Variants in AGBL4 observed in about 807,000 individuals in gnomAD.
The protein encoded by AGBL4 is cytosolic carboxypeptidase 6.
In AGBL4, 58 loss-of-function variants were observed where a neutral mutation model predicts 66.4. The observed-to-expected ratio is 0.87, with a 90% CI of 0.71 to 1.09. AGBL4 has a LOEUF of 1.09. AGBL4 is among the 50% of genes least tolerant of loss of function. The pLI is 0.00. For missense variants in AGBL4, 579 were observed against 631.0 expected, an observed-to-expected ratio of 0.92 and a Z score of 0.88; for synonymous variants, 234 against 222.9, an observed-to-expected ratio of 1.05 and a Z score of -0.44.
intron 1 of AGBL4, among the ~76,000 whole-genome samples, chr1:49,940,643 T>C (rs994607395): frequency 3.9e-5 from 6 of 151,936 alleles, no homozygotes; most frequent in African/African-American, 9.7e-5. Context: ...TAGGTGGGAA[T>C]TGAACAATGA....
intron 3 of AGBL4, among the ~76,000 whole-genome samples, chr1:49,303,959 T>C (rs939091432): frequency 6.6e-6 from 1 of 152,236 alleles, no homozygotes; most frequent in African/African-American, 2.4e-5. Flanking sequence ...TAGTTTCTTT[T>C]GCTGTGCAGA....
At chr1:49,521,552 G>C (rs1316937163) in intron 3 of AGBL4, among the ~76,000 whole-genome samples, 1 of 151,890 alleles carries the variant, frequency 6.6e-6, no homozygotes, top group Non-Finnish European at 1.5e-5. Context: ...AATGGGGAAA[G>C]GACTCCTTAT....
chr1:49,519,910 C>T (rs1043320534), intron 3 of AGBL4, among the ~76,000 whole-genome samples: 1 of 152,000 alleles, frequency 6.6e-6, no homozygotes, highest in Admixed American at 6.6e-5. Context: ...TTTGTTCTTG[C>T]TGATTTTTTA....
rs185947935 is a variant in AGBL4, at chr1:49,218,918, C to T, written c.377+26852G>A. On this transcript the variant is annotated intron_variant, in intron 4 of 13. Coordinates refer to ENST00000371839, the MANE Select transcript of AGBL4 (RefSeq NM_032785.4). ...CCTGCACAAGCTCTCTCTTGCCTGC[C>T]ACCATGTAAGCTGTGCCTTTCACCT... Among the ~76,000 whole-genome samples the T allele has an allele frequency of 3.5e-4, 53 of 152,242 alleles. No individual in the cohort carries two copies. The East Asian group carries it at 7.0e-3, about 20-fold the overall frequency.
At chr1:49,790,117 G>T (rs188775416) in intron 2 of AGBL4, among the ~76,000 whole-genome samples, 2 of 152,110 alleles carry the variant, frequency 1.3e-5, no homozygotes, top group African/African-American at 4.8e-5. Flanking sequence ...GGTGGCTCAC[G>T]CCTGTAATCC....
chr1:49,254,656 G>GA (rs35500560), intron 3 of AGBL4, among the ~76,000 whole-genome samples: 1 of 151,720 alleles, frequency 6.6e-6, no homozygotes. Context: ...CAGAACTAGA[G>GA]AAAAAAAATT....
At chr1:49,620,158 A>G (rs1205344878) in intron 3 of AGBL4, among the ~76,000 whole-genome samples, 1 of 152,188 alleles carries the variant, frequency 6.6e-6, no homozygotes, top group Non-Finnish European at 1.5e-5. Context: ...ACACAGCAAA[A>G]GAAACTATTA....
At chr1:49,326,971 G>C (rs1645239872) in intron 3 of AGBL4, among the ~76,000 whole-genome samples, 1 of 152,142 alleles carries the variant, frequency 6.6e-6, no homozygotes, top group African/African-American at 2.4e-5. Flanking sequence ...AGCTTCTAGA[G>C]TCTACCTGCG....
At chr1:49,809,152 A>G (rs1436467376) in intron 2 of AGBL4, among the ~76,000 whole-genome samples, 1 of 152,050 alleles carries the variant, frequency 6.6e-6, no homozygotes, top group Non-Finnish European at 1.5e-5. Flanking sequence ...GTAGCATCCA[A>G]TTACATTTTT....
chr1:49,497,985 T>C (rs748662386), intron 3 of AGBL4, among the ~76,000 whole-genome samples: 1 of 152,044 alleles, frequency 6.6e-6, no homozygotes, highest in Non-Finnish European at 1.5e-5. Context: ...TTTTTAACAA[T>C]ATTCCAATTT....
At chr1:48,586,717 T>C in intron 11 of AGBL4, 1 of 369,026 alleles carries the variant, frequency 2.7e-6, no homozygotes, top group South Asian at 3.2e-5. Context: ...CACTGCATCA[T>C]GAGAGAAGAG....
At position 49,924,935 on chromosome 1, in the gene AGBL4, T is replaced by C. The variant is rs1369496605; in HGVS notation, c.35-73417A>G. Among the ~76,000 whole-genome samples the C allele has an allele frequency of 2.6e-5, 4 of 152,242 alleles. No individual in the cohort carries two copies. The East Asian group carries it at 5.8e-4, about 22-fold the overall frequency. ...GAATAAAGTACTCTGGGGTCCTAAA[T>C]AAACTTGAAAGGCTGTCTAGGCCAC... On this transcript the variant is annotated intron_variant, in intron 1 of 13. Coordinates refer to ENST00000371839, the MANE Select transcript of AGBL4 (RefSeq NM_032785.4).
intron 4 of AGBL4, among the ~76,000 whole-genome samples, chr1:49,109,978 T>TC (rs1645373604): frequency 6.6e-6 from 1 of 152,106 alleles, no homozygotes; most frequent in Non-Finnish European, 1.5e-5. Flanking sequence ...ACCTCATCTC[T>TC]CCCCCATCAA....
intron 1 of AGBL4, among the ~76,000 whole-genome samples, chr1:49,886,276 C>T (rs1010022641): frequency 6.6e-6 from 1 of 152,114 alleles, no homozygotes; most frequent in Non-Finnish European, 1.5e-5. Flanking sequence ...TTCAGAGAAG[C>T]AGCATCTATG....
intron 9 of AGBL4, among the ~76,000 whole-genome samples, chr1:48,597,554 C>A (rs146191043): frequency 2.0e-3 from 306 of 152,056 alleles, no homozygotes; most frequent in African/African-American, 7.1e-3. Flanking sequence ...AGCCATTCAG[C>A]CAGGTGTGGT....
At chr1:49,609,377 C>G (rs919731749) in intron 3 of AGBL4, among the ~76,000 whole-genome samples, 2 of 151,720 alleles carry the variant, frequency 1.3e-5, no homozygotes, top group African/African-American at 4.8e-5. Context: ...AAATAAGAAC[C>G]AGTTCATCAA....
intron 2 of AGBL4, among the ~76,000 whole-genome samples, chr1:49,761,398 G>A (rs750494877): frequency 7.9e-5 from 12 of 152,102 alleles, no homozygotes; most frequent in Non-Finnish European, 1.5e-4. Flanking sequence ...GGTCAATGTA[G>A]TCAGAGCATC....
chr1:49,890,166 C>G (rs1648493494), intron 1 of AGBL4, among the ~76,000 whole-genome samples: 1 of 152,042 alleles, frequency 6.6e-6, no homozygotes, highest in Admixed American at 6.5e-5. Flanking sequence ...TTCTTAATTC[C>G]TTTATTTTAC....
At chr1:49,763,815 A>G (rs1652522060) in intron 2 of AGBL4, among the ~76,000 whole-genome samples, 1 of 152,184 alleles carries the variant, frequency 6.6e-6, no homozygotes, top group Non-Finnish European at 1.5e-5. Flanking sequence ...GCAGACTAGC[A>G]TCAGTTGCTG....
Sources: allele counts gnomAD v4.1 joint callset (sites outside exome capture counted in the v4.1 genomes callset), GRCh38; gene constraint gnomAD v4.1.1; transcripts MANE v1.5; gene names NCBI Gene and HGNC (gene_info 2026-07-23, HGNC 2026-07-21).